The following GRIK1 variants were observed in gnomAD, a reference collection of about 807,000 sequenced individuals.
GRIK1 encodes the protein glutamate ionotropic receptor kainate type subunit 1.
In GRIK1, 69 loss-of-function variants were observed where a neutral mutation model predicts 105.7. The ratio of observed to expected loss-of-function variants is 0.65; its 90% CI spans 0.54 to 0.80. GRIK1 has a LOEUF of 0.80. Ranked by LOEUF, GRIK1 falls within the 30% of genes least tolerant of loss-of-function variation. The pLI is 0.00. For missense variants in GRIK1, 1,109 were observed against 1,167.3 expected (o/e 0.95, Z 0.73); for synonymous variants, 438 against 431.3 (o/e 1.02, Z -0.19).
At chr21:29,807,445 A>C (rs977786838) in intron 1 of GRIK1, among the ~76,000 whole-genome samples, 1 of 152,044 alleles carries the variant, frequency 6.6e-6, no homozygotes, top group Non-Finnish European at 1.5e-5. Context: ...TACATGCTAC[A>C]TTCTTCCTCT....
chr21:29,705,203 G>A (rs992213532), intron 1 of GRIK1, among the ~76,000 whole-genome samples: 4 of 152,204 alleles, frequency 2.6e-5, no homozygotes, highest in African/African-American at 9.6e-5. Context: ...TAGAACTGAT[G>A]TTTGAAGCCA....
intron 1 of GRIK1, among the ~76,000 whole-genome samples, chr21:29,903,712 A>C (rs2070498491): frequency 6.6e-6 from 1 of 152,214 alleles, no homozygotes; most frequent in South Asian, 2.1e-4. Flanking sequence ...ACCATTGTGG[A>C]AAACAGTGTG....
At chr21:29,606,801 TTGTC>T (rs1401648330) in intron 7 of GRIK1, among the ~76,000 whole-genome samples, 2 of 140,686 alleles carry the variant, frequency 1.4e-5, no homozygotes, top group East Asian at 5.1e-4. Context: ...GTTTCTTGTC[TTGTC>T]TTGTCTTGTC....
chr21:29,573,564 A>G (rs1490236788), intron 14 of GRIK1, among the ~76,000 whole-genome samples: 1 of 151,738 alleles, frequency 6.6e-6, no homozygotes, highest in African/African-American at 2.4e-5. Flanking sequence ...AAGTGAACTT[A>G]AGGGGCCGGG....
intron 1 of GRIK1, among the ~76,000 whole-genome samples, chr21:29,726,309 T>C (rs977474076): frequency 6.6e-6 from 1 of 152,220 alleles, no homozygotes. Flanking sequence ...TCTGGTTTTT[T>C]TCTCATAGAT....
intron 1 of GRIK1, among the ~76,000 whole-genome samples, chr21:29,798,824 T>TA (rs2066626193): frequency 6.6e-6 from 1 of 152,176 alleles, no homozygotes. Context: ...ATTGGTGGGT[T>TA]AAAAATGACA....
intron 1 of GRIK1, among the ~76,000 whole-genome samples, chr21:29,795,927 G>C (rs1008522125): frequency 4.6e-5 from 7 of 151,962 alleles, no homozygotes; most frequent in African/African-American, 1.7e-4. Flanking sequence ...ATGCTGTCCA[G>C]GGTTGTCAAA....
intron 1 of GRIK1, among the ~76,000 whole-genome samples, chr21:29,714,927 C>T (rs1226803539): frequency 6.6e-6 from 1 of 152,130 alleles, no homozygotes; most frequent in Non-Finnish European, 1.5e-5. Flanking sequence ...TGTCAATATT[C>T]TTCCAATACC....
intron 7 of GRIK1, among the ~76,000 whole-genome samples, chr21:29,600,825 G>C (rs937117466): frequency 6.6e-6 from 1 of 152,016 alleles, no homozygotes; most frequent in Non-Finnish European, 1.5e-5. Flanking sequence ...ACTATCTCAC[G>C]TTTAGCCTTT....
chr21:29,827,149 A>G (rs1450461793), intron 1 of GRIK1, among the ~76,000 whole-genome samples: 1 of 152,118 alleles, frequency 6.6e-6, no homozygotes, highest in African/African-American at 2.4e-5. Context: ...CTGGTTAATT[A>G]TTATCAGAAA....
At chr21:29,707,388 T>C (rs894781266) in intron 1 of GRIK1, among the ~76,000 whole-genome samples, 2 of 135,494 alleles carry the variant, frequency 1.5e-5, no homozygotes, top group Non-Finnish European at 3.1e-5. Flanking sequence ...TTCTCTGAAA[T>C]AGTTAAGATG....
chr21:29,561,725 A>C lies in GRIK1; in HGVS notation c.2255T>G (p.Met752Arg). The C allele has an allele frequency of 6.2e-7, 1 of 1,614,050 alleles. No individual in the cohort carries two copies. Among genetic ancestry groups the C allele is most frequent in the Non-Finnish European group, 8.5e-7 (1 of 1,179,910 alleles). ...RVLTTDYALL[M>R]ESTSIEYVTQ... Reference sequence around the variant, plus strand: ...CACATACTCAATGCTGGTGGACTCCATCAGCAGCGCGTAGTCTGTGGTGAG... The same window carrying C: ...CACATACTCAATGCTGGTGGACTCCCTCAGCAGCGCGTAGTCTGTGGTGAG... The change falls in exon 15 of 18, where the codon ATG becomes AGG. Residue 752 changes from methionine to arginine, a missense_variant. By Grantham distance (91) the Met-to-Arg change is moderately conservative. Transcript: ENST00000327783.
intron 1 of GRIK1, among the ~76,000 whole-genome samples, chr21:29,831,332 C>T (rs1392306383): frequency 6.6e-6 from 1 of 152,196 alleles, no homozygotes; most frequent in Non-Finnish European, 1.5e-5. Flanking sequence ...CAAATGCTCT[C>T]TGCTCCCACC....
intron 1 of GRIK1, among the ~76,000 whole-genome samples, chr21:29,735,629 G>A (rs1156726513): frequency 6.6e-6 from 1 of 152,086 alleles, no homozygotes; most frequent in Non-Finnish European, 1.5e-5. Flanking sequence ...GGGCACGGTT[G>A]CTCAGGACTG....
At chr21:29,619,556 C>T (rs1409551112) in intron 7 of GRIK1, among the ~76,000 whole-genome samples, 1 of 151,678 alleles carries the variant, frequency 6.6e-6, no homozygotes, top group Admixed American at 6.6e-5. Context: ...TGATGGGTGA[C>T]CAAAATCTCA....
chr21:29,575,458 A>G (rs1310144216), intron 14 of GRIK1, among the ~76,000 whole-genome samples: 1 of 152,204 alleles, frequency 6.6e-6, no homozygotes, highest in Non-Finnish European at 1.5e-5. Context: ...AACAATGTTT[A>G]AAAAGGAAAT....
intron 1 of GRIK1, among the ~76,000 whole-genome samples, chr21:29,897,278 T>C (rs2146245525): frequency 6.6e-6 from 1 of 152,310 alleles, no homozygotes; most frequent in Admixed American, 6.5e-5. Context: ...AATTTCAAGT[T>C]GAAATTACAA....
intron 1 of GRIK1, among the ~76,000 whole-genome samples, chr21:29,761,843 G>A (rs2065532964): frequency 6.6e-6 from 1 of 151,048 alleles, no homozygotes; most frequent in African/African-American, 2.4e-5. Flanking sequence ...CACCTCCCAG[G>A]TTCAAGCAAT....
At chr21:29,767,137 A>G (rs953630221) in intron 1 of GRIK1, among the ~76,000 whole-genome samples, 4 of 152,242 alleles carry the variant, frequency 2.6e-5, no homozygotes, top group African/African-American at 7.2e-5. Context: ...AATGGTGCCC[A>G]TGGAAAAGGG....
Sources: allele counts gnomAD v4.1 joint callset (sites outside exome capture counted in the v4.1 genomes callset), GRCh38; gene constraint gnomAD v4.1.1; transcripts MANE v1.5; gene names NCBI Gene and HGNC (gene_info 2026-07-23, HGNC 2026-07-21).